The following CD58 variants were observed in gnomAD, a reference collection of about 807,000 sequenced individuals.
CD58 encodes the protein lymphocyte function-associated antigen 3.
A neutral mutation model predicts 27.6 loss-of-function variants in CD58; 14 were observed. That is an observed-to-expected ratio of 0.51 (90% CI 0.34 to 0.79). The LOEUF (loss-of-function observed/expected upper bound fraction) is 0.79, where lower values mean the gene tolerates loss of function less well. Among genes scored for constraint, CD58 ranks in the 30% least tolerant of loss-of-function variants. The pLI, the probability that CD58 is intolerant of heterozygous loss-of-function variation, is 0.02. For missense variants in CD58, 268 were observed against 301.7 expected (o/e 0.89, Z 0.83); for synonymous variants, 117 against 103.8 (o/e 1.13, Z -0.77).
In CD58 at chr1:116,519,834, C is replaced by T. The variant is rs931465592; in HGVS notation, c.707-567G>A. Among the ~76,000 whole-genome samples the T allele has an allele frequency of 2.0e-5, 3 of 152,234 alleles. No homozygotes were observed. Among genetic ancestry groups the T allele is most frequent in the African/African-American group, 4.8e-5 (2 of 41,452 alleles). ...CCACATTTCAAGTGCTCCATAGCCA[C>T]ATGTAGCTCATGGCTACTATTTCAG... On this transcript the variant is annotated intron_variant, in intron 4 of 5. Coordinates refer to ENST00000369489, the MANE Select transcript of CD58 (RefSeq NM_001779.3). This position sits in a 1 kb window ranked among gnomAD's most constrained non-coding sequence, Gnocchi z 4.7.
At chr1:116,535,155 T>C (rs999285472) in intron 3 of CD58, among the ~76,000 whole-genome samples, 11 of 152,188 alleles carry the variant, frequency 7.2e-5, no homozygotes, top group African/African-American at 2.7e-4. Flanking sequence ...CCAAGACAGA[T>C]TGTCATGATA....
rs149077960 is a variant in CD58, at chr1:116,563,226, C to A, written c.70+7677G>T. On this transcript the variant is annotated intron_variant, in intron 1 of 5. Coordinates refer to ENST00000369489, the MANE Select transcript of CD58 (RefSeq NM_001779.3). This position sits in a 1 kb window ranked among gnomAD's most constrained non-coding sequence, Gnocchi z 4.1. ...GACTCCATGCCTCACATCCAGGTGACGCAAGAGATGGGCTCCCACAACCTT... is the reference window on the plus strand; with the variant it reads ...GACTCCATGCCTCACATCCAGGTGAAGCAAGAGATGGGCTCCCACAACCTT... 1.3e-5 allele frequency among the ~76,000 whole-genome samples: 2 copies of A among 152,150 alleles called. No individual in the cohort carries two copies. The highest frequency in any genetic ancestry group is 4.8e-5 in the African/African-American group (2 of 41,452).
chr1:116,539,535 A>G (rs1657925617), intron 2 of CD58, among the ~76,000 whole-genome samples: 1 of 152,214 alleles, frequency 6.6e-6, no homozygotes, highest in South Asian at 2.1e-4. Context: ...AAAGAAAAGA[A>G]AAAAAACAGA....
chr1:116,520,344 C>T (rs903853933), intron 4 of CD58, among the ~76,000 whole-genome samples: 1 of 151,880 alleles, frequency 6.6e-6, no homozygotes, highest in Non-Finnish European at 1.5e-5. Context: ...AACTCCTGGG[C>T]TCAAGTGATG....
Position 116,521,886 on chromosome 1 carries a change from G to A in CD58, c.706+20C>T, listed in dbSNP as rs1247925944. ...ACAATGCAAGTTTTCAAACTATTTTGTTTTAAAAAGCATACATACCATTCA... is the reference window on the plus strand; with the variant it reads ...ACAATGCAAGTTTTCAAACTATTTTATTTTAAAAAGCATACATACCATTCA... On this transcript the variant is annotated intron_variant, in intron 4 of 5. Coordinates refer to ENST00000369489, the MANE Select transcript of CD58 (RefSeq NM_001779.3). The surrounding 1 kb of genome is among the most constrained non-coding windows in gnomAD (Gnocchi z 5.6). 1 of 1,296,098 alleles carries A rather than the reference G, an allele frequency of 7.7e-7. No homozygotes were observed. The highest frequency in any genetic ancestry group is 1.5e-5 in the African/African-American group (1 of 68,376). The allele number at this position is 1,296,098 out of a possible 1,614,324, so 80.3% of individuals were successfully genotyped here.
Position 116,544,832 on chromosome 1 carries a change from G to A in CD58, c.71-228C>T, listed in dbSNP as rs368603357. Reference sequence around the variant, plus strand: ...GCACCAACCATCTGCCAGGTAGTACGGGCTGGGCTGGGAATATGGGGTTGT... The same window carrying A: ...GCACCAACCATCTGCCAGGTAGTACAGGCTGGGCTGGGAATATGGGGTTGT... On this transcript the variant is annotated intron_variant, in intron 1 of 5. Coordinates refer to ENST00000369489, the MANE Select transcript of CD58 (RefSeq NM_001779.3). Among the ~76,000 whole-genome samples, 245 of 152,334 alleles carry A rather than the reference G, an allele frequency of 1.6e-3. 2 individuals carry two copies. In the South Asian group the frequency reaches 0.018, roughly 11 times the overall value.
chr1:116,556,085 G>A (rs530515522), intron 1 of CD58, among the ~76,000 whole-genome samples: 46 of 151,794 alleles, frequency 3.0e-4, no homozygotes, highest in Admixed American at 2.2e-3. Flanking sequence ...GTGAAACCCC[G>A]TCTCTACTAA....
Position 116,535,947 on chromosome 1 carries a change from A to G in CD58, c.628+18T>C. The G allele has an allele frequency of 6.3e-7, 1 of 1,586,554 alleles. No individual in the cohort carries two copies. The highest frequency in any genetic ancestry group is 1.1e-5 in the South Asian group (1 of 90,106). ...TGTGGTCTGAAAGCCTCCATGACAC[A>G]TTTAGTTATTTACTCACCGCTGCTT... On this transcript the variant is annotated intron_variant, in intron 3 of 5. Coordinates refer to ENST00000369489, the MANE Select transcript of CD58 (RefSeq NM_001779.3).
rs373072165 is a variant in CD58 at position 116,523,812 on chromosome 1, G to A, written c.629-1829C>T. ...CTCATCAACAATGTGGTTACTCTGA[G>A]GTTCAATTTATATAGGAAAAGCAGC... is the stretch of plus-strand genomic sequence containing the variant. On this transcript the variant is annotated intron_variant, in intron 3 of 5. Transcript: ENST00000369489. The surrounding 1 kb of genome is among the most constrained non-coding windows in gnomAD (Gnocchi z 4.4). Among the ~76,000 whole-genome samples, 1 of 152,044 alleles carries A rather than the reference G, an allele frequency of 6.6e-6. No homozygotes were observed. Among genetic ancestry groups the A allele is most frequent in the Non-Finnish European group, 1.5e-5 (1 of 68,000 alleles).
rs554591771 is a variant in CD58, at chr1:116,563,421, G to A, written c.70+7482C>T. 9.9e-5 allele frequency among the ~76,000 whole-genome samples: 15 copies of A among 152,160 alleles called. No homozygotes were observed. Among genetic ancestry groups the A allele is most frequent in the Admixed American group, 2.6e-4 (4 of 15,296 alleles). On this transcript the variant is annotated intron_variant, in intron 1 of 5. Coordinates refer to ENST00000369489, the MANE Select transcript of CD58 (RefSeq NM_001779.3). This position sits in a 1 kb window ranked among gnomAD's most constrained non-coding sequence, Gnocchi z 4.1. Reference sequence around the variant, plus strand: ...CCCTCTTCTCACAGCTCCACTAGGCGGTGCCCCAGTGGGGACTCTGTGTGG... The same window carrying A: ...CCCTCTTCTCACAGCTCCACTAGGCAGTGCCCCAGTGGGGACTCTGTGTGG...
rs1308481593 is a variant in CD58, at chr1:116,537,759, A to G, written c.365-1531T>C. On this transcript the variant is annotated intron_variant, in intron 2 of 5. Coordinates refer to ENST00000369489, the MANE Select transcript of CD58 (RefSeq NM_001779.3). ...TAATTCATATGCCTTCTTGCGTCTC[A>G]GCTACCCTCCAGCAATTAATCATAA... Among the ~76,000 whole-genome samples the G allele has an allele frequency of 5.9e-5, 9 of 152,318 alleles. No individual in the cohort carries two copies. In the East Asian group the frequency reaches 1.7e-3, roughly 29 times the overall value.
chr1:116,541,784 G>T lies in CD58; in HGVS notation c.364+2527C>A, dbSNP rs192503053. On this transcript the variant is annotated intron_variant, in intron 2 of 5. Transcript: ENST00000369489. The surrounding 1 kb of genome is among the most constrained non-coding windows in gnomAD (Gnocchi z 5.3). Reference sequence around the variant, plus strand: ...TAAGGAGCTCGGCGGGGTACTCTGGGCTAGAGCTCTAGATCTGTACATTAT... The same window carrying T: ...TAAGGAGCTCGGCGGGGTACTCTGGTCTAGAGCTCTAGATCTGTACATTAT... Among the ~76,000 whole-genome samples, 1 of 152,250 alleles carries T rather than the reference G, an allele frequency of 6.6e-6. No homozygotes were observed. Among genetic ancestry groups the T allele is most frequent in the East Asian group, 1.9e-4 (1 of 5,180 alleles).
chr1:116,514,804 T>C lies in CD58; in HGVS notation c.*9A>G, dbSNP rs1377465646. 6.5e-7 allele frequency: 1 copy of C among 1,531,836 alleles called. No individual in the cohort carries two copies. The highest frequency in any genetic ancestry group is 9.0e-7 in the Non-Finnish European group (1 of 1,110,598). 94.9% of individuals were successfully genotyped at this position (1,531,836 alleles called of 1,614,324 possible). ...TAGTTATGCTGTTGTCTTCATCTTC[T>C]GTTACCAATCAATTGGAGCTACAAA... On this transcript the variant is annotated 3_prime_UTR_variant, in exon 6 of 6. Transcript: ENST00000369489.
rs958648859 is a variant in CD58, at chr1:116,570,186, G to A, written c.70+717C>T. Reference sequence around the variant, plus strand: ...TGTGTGGAGGGTGAAGGAGGATGGGGAGGCAAAATGGGAAGAAGGGGACCT... The same window carrying A: ...TGTGTGGAGGGTGAAGGAGGATGGGAAGGCAAAATGGGAAGAAGGGGACCT... On this transcript the variant is annotated intron_variant, in intron 1 of 5. Transcript: ENST00000369489. This position sits in a 1 kb window ranked among gnomAD's most constrained non-coding sequence, Gnocchi z 6.4. Among the ~76,000 whole-genome samples, 2 of 152,248 alleles carry A rather than the reference G, an allele frequency of 1.3e-5. No homozygotes were observed. The highest frequency in any genetic ancestry group is 4.8e-5 in the African/African-American group (2 of 41,464).
At chr1:116,549,471 G>A (rs1245130437) in intron 1 of CD58, among the ~76,000 whole-genome samples, 2 of 152,132 alleles carry the variant, frequency 1.3e-5, no homozygotes, top group Non-Finnish European at 2.9e-5. Flanking sequence ...GCATACACAA[G>A]CACAGCCAGC....
At position 116,566,122 on chromosome 1, in the gene CD58, T is replaced by C. The variant is rs115001410; in HGVS notation, c.70+4781A>G. On this transcript the variant is annotated intron_variant, in intron 1 of 5. Coordinates refer to ENST00000369489, the MANE Select transcript of CD58 (RefSeq NM_001779.3). ...AAAAACTCATTGTAGAGTTGAAAAA[T>C]CTTAAGTCGAACCATTGCTAAGTTG... is the stretch of plus-strand genomic sequence containing the variant. Among the ~76,000 whole-genome samples, 560 of 152,298 alleles carry C rather than the reference T, an allele frequency of 3.7e-3. 4 individuals carry two copies. Among genetic ancestry groups the C allele is most frequent in the African/African-American group, 0.013 (536 of 41,570 alleles).
intron 1 of CD58, among the ~76,000 whole-genome samples, chr1:116,565,069 T>C (rs993648582): frequency 3.9e-5 from 6 of 152,204 alleles, no homozygotes; most frequent in Non-Finnish European, 7.4e-5. Flanking sequence ...CTTTCCTGCA[T>C]TGCCCCTGCA....
At position 116,548,022 on chromosome 1, in the gene CD58, T is replaced by C. The variant is rs935051037; in HGVS notation, c.71-3418A>G. On this transcript the variant is annotated intron_variant, in intron 1 of 5. Transcript: ENST00000369489. ...GCAGGAGTAAGGTGGTATTGCATTG[T>C]GGTTTCAATTTGCATTTCCCTGATA... Among the ~76,000 whole-genome samples the C allele has an allele frequency of 9.8e-5, 15 of 152,338 alleles. No homozygotes were observed. In the South Asian group the frequency reaches 3.1e-3, roughly 32 times the overall value.
rs1237472446 is a variant in CD58 at position 116,559,050 on chromosome 1, C to A, written c.70+11853G>T. ...ACATAATAAATGAAAAAGTAAATAT[C>A]TTTTATTTGGATGATGTTGGATGAT... is the stretch of plus-strand genomic sequence containing the variant. On this transcript the variant is annotated intron_variant, in intron 1 of 5. Transcript: ENST00000369489. This position sits in a 1 kb window ranked among gnomAD's most constrained non-coding sequence, Gnocchi z 4.4. Among the ~76,000 whole-genome samples, 1 of 151,966 alleles carries A rather than the reference C, an allele frequency of 6.6e-6. No homozygotes were observed. Among genetic ancestry groups the A allele is most frequent in the East Asian group, 1.9e-4 (1 of 5,190 alleles).
Sources: allele counts gnomAD v4.1 joint callset (sites outside exome capture counted in the v4.1 genomes callset), GRCh38; gene constraint gnomAD v4.1.1; non-coding constraint Gnocchi (gnomAD v3.1); transcripts MANE v1.5; gene names NCBI Gene and HGNC (gene_info 2026-07-23, HGNC 2026-07-21).